The following ARSK variants were observed in gnomAD, a reference collection of about 807,000 sequenced individuals.
ARSK encodes arylsulfatase family member K.
In ARSK, 37 loss-of-function variants were observed where a neutral mutation model predicts 53.2. That is an observed-to-expected ratio of 0.70 (90% confidence interval 0.54 to 0.92). The LOEUF (loss-of-function observed/expected upper bound fraction) is 0.92, where lower values mean the gene tolerates loss of function less well. Among genes scored for constraint, ARSK ranks in the 40% least tolerant of loss-of-function variants. ARSK has a pLI of 0.00. For synonymous variants in ARSK, 208 were observed against 223.2 expected (o/e 0.93, Z 0.61); for missense variants, 613 against 643.0 (o/e 0.95, Z 0.51).
intron 4 of ARSK, among the ~76,000 whole-genome samples, chr5:95,583,686 G>T (rs1749060267): frequency 6.6e-6 from 1 of 152,018 alleles, no homozygotes; most frequent in Non-Finnish European, 1.5e-5. Flanking sequence ...GAAACATTGA[G>T]AATTAAAGAG....
intron 5 of ARSK, among the ~76,000 whole-genome samples, chr5:95,587,951 A>C (rs1399374126): frequency 6.6e-6 from 1 of 152,018 alleles, no homozygotes; most frequent in African/African-American, 2.4e-5. Flanking sequence ...AGGACTTTCC[A>C]AGTACTCAAT....
At chr5:95,589,391 G>A (rs999258661) in intron 5 of ARSK, among the ~76,000 whole-genome samples, 5 of 152,238 alleles carry the variant, frequency 3.3e-5, no homozygotes, top group Middle Eastern at 3.4e-3. Context: ...CCATCACCTA[G>A]GTATTAAGCC....
At position 95,555,309 on chromosome 5, in the gene ARSK, G is replaced by A. The variant is rs368063444; in HGVS notation, c.31G>A (p.Ala11Thr). 4.4e-6 allele frequency: 7 copies of A among 1,604,698 alleles called. No individual in the cohort carries two copies. The African/African-American group carries it at 8.0e-5, about 18-fold the overall frequency. Reference sequence around the variant, plus strand: ...ACTGCTGTGGGTGTCGGTGGTCGCAGCCTTGGCGCTGGCGGTACTGGCCCC... The same window carrying A: ...ACTGCTGTGGGTGTCGGTGGTCGCAACCTTGGCGCTGGCGGTACTGGCCCC... MLLLWVSVVA[A>T]LALAVLAPGA... The change falls in exon 1 of 8, where the codon GCC becomes ACC. Residue 11 changes from alanine to threonine, a missense_variant. By Grantham distance (58) the Ala-to-Thr change is moderately conservative. Coordinates refer to ENST00000380009, the MANE Select transcript of ARSK (RefSeq NM_198150.3). The surrounding 1 kb of genome is among the most constrained non-coding windows in gnomAD (Gnocchi z 4.0).
intron 3 of ARSK, 136 bp downstream of exon 3, chr5:95,568,185 G>T: frequency 1.1e-6 from 1 of 931,878 alleles, no homozygotes; most frequent in South Asian, 2.7e-5. Context: ...GTGTTAATTA[G>T]GCTGAAATTT....
At chr5:95,582,747 A>T (rs1749038733) in intron 3 of ARSK, among the ~76,000 whole-genome samples, 169 bp from the exon 4 acceptor site, 1 of 152,174 alleles carries the variant, frequency 6.6e-6, no homozygotes, top group Non-Finnish European at 1.5e-5. Context: ...TTTTATTTTA[A>T]TTTGTAATGC....
intron 1 of ARSK, among the ~76,000 whole-genome samples, chr5:95,564,051 C>T (rs1480969171): frequency 1.4e-5 from 2 of 148,020 alleles, no homozygotes; most frequent in African/African-American, 5.0e-5. Flanking sequence ...CATCTCAGCT[C>T]ACTGCAACCT....
intron 6 of ARSK, among the ~76,000 whole-genome samples, chr5:95,593,757 C>G (rs1172662247): frequency 6.6e-6 from 1 of 152,186 alleles, no homozygotes; most frequent in Admixed American, 6.5e-5. Flanking sequence ...AGAAACTCCT[C>G]TAAATTCCAT....
intron 3 of ARSK, among the ~76,000 whole-genome samples, chr5:95,578,327 T>C (rs2112428559): frequency 6.6e-6 from 1 of 151,518 alleles, no homozygotes; most frequent in Non-Finnish European, 1.5e-5. Flanking sequence ...AAGAATTTTT[T>C]TTTTTTTTTT....
At chr5:95,575,407 G>A (rs571967799) in intron 3 of ARSK, among the ~76,000 whole-genome samples, 3 of 152,090 alleles carry the variant, frequency 2.0e-5, no homozygotes, top group East Asian at 1.9e-4. Context: ...TTATTTCTAC[G>A]AAGAATGTTA....
intron 3 of ARSK, among the ~76,000 whole-genome samples, chr5:95,572,732 T>C (rs1462159375): frequency 1.3e-5 from 2 of 149,348 alleles, no homozygotes; most frequent in Non-Finnish European, 2.9e-5. Flanking sequence ...GAGCCGAGAT[T>C]GCACCACTGC....
Position 95,565,982 on chromosome 5 carries a change from ATTTC to A in ARSK, c.127-12_127-9del, listed in dbSNP as rs1461565149. ...TGGTAATGTAATCAATGCTAATTAA[ATTTC>A]TTTATTTCCAGGATGGAAGGTTAAC... On this transcript the variant is annotated splice_polypyrimidine_tract_variant and intron_variant, in intron 1 of 7. Coordinates refer to ENST00000380009, the MANE Select transcript of ARSK (RefSeq NM_198150.3). The A allele has an allele frequency of 8.8e-6, 14 of 1,593,638 alleles. No homozygotes were observed. Among genetic ancestry groups the A allele is most frequent in the Non-Finnish European group, 1.1e-5 (13 of 1,172,120 alleles).
intron 7 of ARSK, 43 bp downstream of exon 7, chr5:95,601,114 T>C: frequency 3.4e-6 from 5 of 1,487,976 alleles, no homozygotes; most frequent in Admixed American, 1.7e-5. Flanking sequence ...TTATGTGTAA[T>C]GAACTGCCCT....
At chr5:95,588,238 ATTT>A (rs557510001) in intron 5 of ARSK, among the ~76,000 whole-genome samples, 5 of 141,872 alleles carry the variant, frequency 3.5e-5, no homozygotes, top group Non-Finnish European at 1.5e-5. Flanking sequence ...CTGTATCTTA[ATTT>A]TTTTTTTTTT....
chr5:95,583,146 G>C lies in ARSK; in HGVS notation c.647G>C (p.Gly216Ala), dbSNP rs1749048651. ...CACCCTTACCCTTCACCATCTTCTG[G>C]AGAAAATTTTGGATCTTCAACATTT... ...LPHPYPSPSS[G>A]ENFGSSTFHT... is the part of the protein sequence containing the mutation. The change falls in exon 4 of 8, where the codon GGA (glycine) becomes GCA (alanine). Residue 216 changes from glycine (G) to alanine (A), a missense_variant. Gly to Ala is a moderately conservative substitution (Grantham distance 60). Coordinates refer to ENST00000380009, the MANE Select transcript of ARSK (RefSeq NM_198150.3). 8 of 1,599,874 alleles carry C rather than the reference G, an allele frequency of 5.0e-6. No homozygotes were observed. The highest frequency in any genetic ancestry group is 6.8e-6 in the Non-Finnish European group (8 of 1,170,580).
chr5:95,580,778 A>C, intron 3 of ARSK: 1 of 388,382 alleles, frequency 2.6e-6, no homozygotes. Flanking sequence ...TACATTAAAC[A>C]GTGCTAAATG....
At position 95,568,337 on chromosome 5, in the gene ARSK, T is replaced by A. The variant is rs182392065; in HGVS notation, c.416+288T>A. On this transcript the variant is annotated intron_variant, in intron 3 of 7. Coordinates refer to ENST00000380009, the MANE Select transcript of ARSK (RefSeq NM_198150.3). ...TTTTCATTGAATTTCCTTTAATGGC[T>A]ACTGTATTATTAATTTTAAAATCTG... is the stretch of plus-strand genomic sequence containing the variant. Among the ~76,000 whole-genome samples, 127 of 152,330 alleles carry A rather than the reference T, an allele frequency of 8.3e-4. 2 individuals carry two copies. The highest frequency in any genetic ancestry group is 3.0e-3 in the African/African-American group (125 of 41,576).
intron 4 of ARSK, 104 bp from the exon 5 acceptor site, chr5:95,586,458 T>C (rs1297880770): frequency 1.1e-6 from 1 of 876,310 alleles, no homozygotes; most frequent in Admixed American, 2.8e-5. Flanking sequence ...TCTTTTCTAC[T>C]ATTCTAAGTA....
At chr5:95,585,294 T>C (rs545934530) in intron 4 of ARSK, among the ~76,000 whole-genome samples, 1 of 152,294 alleles carries the variant, frequency 6.6e-6, no homozygotes, top group South Asian at 2.1e-4. Flanking sequence ...CGAACTACCT[T>C]CTGATCCAGC....
At chr5:95,563,465 C>T (rs1176516601) in intron 1 of ARSK, among the ~76,000 whole-genome samples, 1 of 152,198 alleles carries the variant, frequency 6.6e-6, no homozygotes, top group African/African-American at 2.4e-5. Context: ...CATAGATCAC[C>T]TTTCACTGAT....
Sources: gnomAD v4.1 joint callset for allele counts (sites outside exome capture counted in the v4.1 genomes callset) on GRCh38, gnomAD v4.1.1 for gene constraint, Gnocchi (gnomAD v3.1) non-coding constraint, MANE v1.5 for transcripts, NCBI Gene and HGNC (gene_info 2026-07-23, HGNC 2026-07-21) for gene names.